The following SYT14 variants were observed in gnomAD, a reference collection of about 807,000 sequenced individuals.
SYT14 encodes the protein synaptotagmin 14.
In SYT14, 32 loss-of-function variants were observed where a neutral mutation model predicts 74.2. That is an observed-to-expected ratio of 0.43 (90% CI 0.33 to 0.58). The LOEUF is 0.58. Among genes scored for constraint, SYT14 ranks in the 20% least tolerant of loss-of-function variants. The pLI is 0.05. For missense variants in SYT14, 791 were observed against 981.8 expected (o/e 0.81, Z 2.60); for synonymous variants, 298 against 337.7 (o/e 0.88, Z 1.29).
At chr1:210,095,000 A>G (rs532235447) in intron 6 of SYT14, among the ~76,000 whole-genome samples, 2 of 152,274 alleles carry the variant, frequency 1.3e-5, no homozygotes, top group East Asian at 1.9e-4. Flanking sequence ...TTGTATTTTC[A>G]TATCATAGAA....
intron 7 of SYT14, among the ~76,000 whole-genome samples, chr1:210,150,555 C>T (rs1047381063): frequency 1.3e-5 from 2 of 152,174 alleles, no homozygotes; most frequent in Non-Finnish European, 2.9e-5. Context: ...AGAGATGAAG[C>T]TCATCATTAG....
At chr1:210,161,453 C>G in exon 10 of SYT14, 1 of 454,402 alleles carries the variant, frequency 2.2e-6, no homozygotes, top group Non-Finnish European at 4.4e-6. Context: ...CATAGTTTGA[C>G]TGGCCAGTCC....
intron 2 of SYT14, among the ~76,000 whole-genome samples, chr1:209,975,987 G>T (rs1240486632): frequency 2.0e-5 from 3 of 152,164 alleles, no homozygotes; most frequent in Non-Finnish European, 4.4e-5. Context: ...TAGTTTATTT[G>T]CATAGAGGTG....
intron 7 of SYT14, among the ~76,000 whole-genome samples, chr1:210,139,850 G>A (rs758131071): frequency 2.0e-5 from 3 of 152,034 alleles, no homozygotes; most frequent in Non-Finnish European, 4.4e-5. Flanking sequence ...TTCTTTGTAT[G>A]GATATACCAC....
chr1:209,962,616 A>T (rs954334988), intron 2 of SYT14, among the ~76,000 whole-genome samples: 1 of 152,024 alleles, frequency 6.6e-6, no homozygotes, highest in African/African-American at 2.4e-5. Context: ...TACCGCATTG[A>T]CTCATGCTTG....
chr1:210,047,641 C>T (rs192911768), intron 5 of SYT14, among the ~76,000 whole-genome samples: 1 of 152,292 alleles, frequency 6.6e-6, no homozygotes, highest in Admixed American at 6.5e-5. Flanking sequence ...TCGTGATCTG[C>T]CTGCCTTGGC....
chr1:210,139,265 C>CTTTTTTTTTTTTTTTTT (rs960923188), intron 7 of SYT14, among the ~76,000 whole-genome samples: 12 of 95,808 alleles, frequency 1.3e-4, no homozygotes, highest in Admixed American at 2.6e-4. Context: ...TTTCTTTTTT[C>CTTTTTTTTTTTTTTTTT]TTTTTTTTTT....
chr1:210,015,029 A>AT lies in SYT14; in HGVS notation c.-320-648dup, dbSNP rs1023970822. ...GAAAATTTAAAAATATTATTAATTT[A>AT]TTTTTTTAAAAAAACAAGACTATTA... On this transcript the variant is annotated intron_variant, in intron 3 of 9. Transcript: ENST00000637265. Among the ~76,000 whole-genome samples the AT allele has an allele frequency of 6.6e-5, 10 of 151,484 alleles. No individual in the cohort carries two copies. The South Asian group carries it at 2.1e-3, about 31-fold the overall frequency.
At chr1:210,135,126 A>G (rs1165216698) in intron 7 of SYT14, among the ~76,000 whole-genome samples, 2 of 151,954 alleles carry the variant, frequency 1.3e-5, no homozygotes, top group Non-Finnish European at 2.9e-5. Flanking sequence ...GATTACAAGC[A>G]TGCACCACCA....
intron 1 of SYT14, among the ~76,000 whole-genome samples, chr1:209,948,157 C>T (rs879300125): frequency 2.0e-5 from 3 of 152,102 alleles, no homozygotes; most frequent in Non-Finnish European, 4.4e-5. Flanking sequence ...TCAAACCTGT[C>T]GATATCTCTG....
chr1:210,005,155 G>A (rs754230234), intron 2 of SYT14, among the ~76,000 whole-genome samples: 4 of 151,958 alleles, frequency 2.6e-5, no homozygotes, highest in Non-Finnish European at 5.9e-5. Context: ...TTCAGCAAAA[G>A]CTACTTCTCT....
chr1:210,123,971 T>C (rs1197343193), intron 7 of SYT14, among the ~76,000 whole-genome samples: 3 of 152,184 alleles, frequency 2.0e-5, no homozygotes, highest in Non-Finnish European at 4.4e-5. Context: ...AAGGGTCTCT[T>C]GTAAATTACA....
rs2082894739 is a variant in SYT14, at chr1:210,140,627, G to C, written c.2035-15094G>C. On this transcript the variant is annotated intron_variant, in intron 7 of 9. Coordinates refer to ENST00000637265, the Ensembl canonical transcript of SYT14. ...CTATGTTTTCTTCTAGTAGTTTTATGGTTTTAGCTCTTAAATTTAGGACTA... is the reference window on the plus strand; with the variant it reads ...CTATGTTTTCTTCTAGTAGTTTTATCGTTTTAGCTCTTAAATTTAGGACTA... 2.6e-5 allele frequency among the ~76,000 whole-genome samples: 4 copies of C among 151,906 alleles called. No homozygotes were observed. The South Asian group carries it at 8.3e-4, about 32-fold the overall frequency.
intron 7 of SYT14, among the ~76,000 whole-genome samples, chr1:210,143,125 A>G (rs2082954212): frequency 6.6e-6 from 1 of 152,228 alleles, no homozygotes; most frequent in African/African-American, 2.4e-5. Context: ...TTGAGATACT[A>G]TCCGGAGGAA....
At chr1:210,160,686 G>T (rs377365399) in intron 9 of SYT14, 43 bp from the exon 9 acceptor site, 1 of 1,573,244 alleles carries the variant, frequency 6.4e-7, no homozygotes, top group South Asian at 1.1e-5. Context: ...TTTTGAGTTT[G>T]TTTCAAATGA....
At chr1:210,042,753 G>A (rs1484170851) in intron 5 of SYT14, among the ~76,000 whole-genome samples, 1 of 152,148 alleles carries the variant, frequency 6.6e-6, no homozygotes, top group Non-Finnish European at 1.5e-5. Context: ...TTTGGTTACT[G>A]TAGCCTTGTA....
In SYT14 at chr1:209,960,477, T is replaced by G. The variant is rs145647918; in HGVS notation, c.-486+7721T>G. 5.4e-3 allele frequency among the ~76,000 whole-genome samples: 827 copies of G among 152,332 alleles called. 4 individuals carry two copies. Among genetic ancestry groups the G allele is most frequent in the African/African-American group, 0.018 (758 of 41,578 alleles). ...AATTTATTACCTTCCATGTTTTTCC[T>G]TGACTAGAAGGAAGTCACTTATTTA... On this transcript the variant is annotated intron_variant, in intron 2 of 9. Transcript: ENST00000637265.
chr1:210,081,373 C>T (rs1440712661), intron 5 of SYT14, among the ~76,000 whole-genome samples: 2 of 152,282 alleles, frequency 1.3e-5, no homozygotes, highest in African/African-American at 4.8e-5. Flanking sequence ...ACTGCAGGTG[C>T]AGTTCCAAAC....
chr1:210,116,858 A>G (rs1443465792), intron 7 of SYT14, among the ~76,000 whole-genome samples: 1 of 152,144 alleles, frequency 6.6e-6, no homozygotes, highest in Non-Finnish European at 1.5e-5. Context: ...ATGTCCAAGT[A>G]AATCTGATCA....
Sources: gnomAD v4.1 joint callset for allele counts (sites outside exome capture counted in the v4.1 genomes callset) on GRCh38, gnomAD v4.1.1 for gene constraint, MANE v1.5 for transcripts, NCBI Gene and HGNC (gene_info 2026-07-23, HGNC 2026-07-21) for gene names.